Variants in TRH observed in about 807,000 individuals in gnomAD.
TRH encodes thyrotropin releasing hormone, also known as TSH-releasing factor.
In TRH, 5 loss-of-function variants were observed where a neutral mutation model predicts 5.2. The ratio of observed to expected loss-of-function variants is 0.95; its 90% CI spans 0.50 to 2.00. The LOEUF (loss-of-function observed/expected upper bound fraction) is 2.00, where lower values mean the gene tolerates loss of function less well. Among genes scored for constraint, TRH ranks in the 30% most tolerant of loss-of-function variants. TRH has a pLI of 0.01. For synonymous variants in TRH, 131 were observed against 128.6 expected (o/e 1.02, Z -0.13); for missense variants, 318 against 312.8 (o/e 1.02, Z -0.13).
At chr3:129,976,167 A>C in intron 2 of TRH, 140 bp downstream of exon 2, 1 of 1,039,222 alleles carries the variant, frequency 9.6e-7, no homozygotes, top group Non-Finnish European at 1.4e-6. Context: ...GGCTGCGCCT[A>C]GGCGGGATCT....
In TRH at chr3:129,977,151, G is replaced by A. The variant is rs1002969932; in HGVS notation, c.664G>A (p.Ala222Thr). ...GGATGACCTGAGTAGGAGCCAGGGA[G>A]CTGAGGAAAAGCGGCAGCACCCTGG... ...LLDDLSRSQG[A>T]EEKRQHPGRR... Residue 222 changes from alanine (A) to threonine (T), a missense_variant, in exon 3 of 3, where the codon GCT becomes ACT. Coordinates refer to ENST00000302649, the MANE Select transcript of TRH (RefSeq NM_007117.5). 5.9e-6 allele frequency: 9 copies of A among 1,525,736 alleles called. No individual in the cohort carries two copies. The highest frequency in any genetic ancestry group is 7.9e-6 in the Non-Finnish European group (9 of 1,139,416). The allele number at this position is 1,525,736 out of a possible 1,614,324, so 94.5% of individuals were successfully genotyped here.
Position 129,975,938 on chromosome 3 carries a change from G to T in TRH, c.122G>T (p.Gly41Val), listed in dbSNP as rs369866736. The change falls in exon 2 of 3, where the codon GGC (glycine) becomes GTC (valine). Residue 41 changes from glycine to valine, a missense_variant. By Grantham distance (109) the Gly-to-Val change is moderately radical. Coordinates refer to ENST00000302649, the MANE Select transcript of TRH (RefSeq NM_007117.5). Reference sequence around the variant, plus strand: ...GCAGTGACGGCCGCGGAGCATCCGGGCCTGGATGACTTCCTGCGCCAGGTG... The same window carrying T: ...GCAGTGACGGCCGCGGAGCATCCGGTCCTGGATGACTTCCTGCGCCAGGTG... ...QEAVTAAEHP[G>V]LDDFLRQVER... is the part of the protein sequence containing the mutation. 2.9e-5 allele frequency: 47 copies of T among 1,613,726 alleles called. No individual in the cohort carries two copies. Among genetic ancestry groups the T allele is most frequent in the Non-Finnish European group, 3.6e-5 (43 of 1,179,942 alleles).
Position 129,975,825 on chromosome 3 carries a change from C to T in TRH, c.9C>T (p.Gly3=). The part of the protein sequence containing the change: MP[G]PWLLLALALT... ...CTAACCCAGACGCCGCGATGCCCGGCCCTTGGTTGCTGCTCGCTCTGGCTT... is the reference window on the plus strand; with the variant it reads ...CTAACCCAGACGCCGCGATGCCCGGTCCTTGGTTGCTGCTCGCTCTGGCTT... Residue 3 remains glycine, a synonymous_variant, in exon 2 of 3, where the codon GGC becomes GGT. Transcript: ENST00000302649. The T allele has an allele frequency of 6.2e-7, 1 of 1,608,502 alleles. No homozygotes were observed. Among genetic ancestry groups the T allele is most frequent in the South Asian group, 1.1e-5 (1 of 90,402 alleles).
At position 129,977,360 on chromosome 3, in the gene TRH, T is replaced by G; in HGVS notation, c.*144T>G. The G allele has an allele frequency of 9.3e-7, 1 of 1,078,538 alleles. No individual in the cohort carries two copies. The highest frequency in any genetic ancestry group is 1.2e-6 in the Non-Finnish European group (1 of 818,956). The allele number at this position is 1,078,538 out of a possible 1,614,324, so 66.8% of individuals were successfully genotyped here. ...CCTCCCAGCCCCATATTCACACACA[T>G]CCCAGCCCCTGGCCTTGCCCTCTTC... is the stretch of plus-strand genomic sequence containing the variant. On this transcript the variant is annotated 3_prime_UTR_variant, in exon 3 of 3. Transcript: ENST00000302649.
intron 1 of TRH, 139 bp from the exon 2 acceptor site, chr3:129,975,670 C>A: frequency 2.1e-6 from 2 of 951,352 alleles, no homozygotes; most frequent in South Asian, 1.7e-5. Context: ...CTGCTCCCGC[C>A]CCTGCACGAG....
At chr3:129,975,746 G>A (rs2062538849) in intron 1 of TRH, 63 bp from the exon 2 acceptor site, 3 of 1,470,680 alleles carry the variant, frequency 2.0e-6, no homozygotes, top group Non-Finnish European at 2.7e-6. Flanking sequence ...CGGGCGTCGG[G>A]GGAGATGGAG....
chr3:129,976,576 C>T lies in TRH; in HGVS notation c.212-123C>T, dbSNP rs1560667077. ...TGAGGCCTGAGGGGCAGGTGCAAGA[C>T]CATGCCTCTGAGTGGGAGCTGCAGG... is the stretch of plus-strand genomic sequence containing the variant. On this transcript the variant is annotated intron_variant, in intron 2 of 2. Coordinates refer to ENST00000302649, the MANE Select transcript of TRH (RefSeq NM_007117.5). The T allele has an allele frequency of 3.6e-6, 4 of 1,119,100 alleles. No homozygotes were observed. In the Admixed American group the frequency reaches 8.9e-5, roughly 25 times the overall value. The allele number at this position is 1,119,100 out of a possible 1,614,324, so 69.3% of individuals were successfully genotyped here. A position where few individuals can be genotyped will look rare whatever the true frequency, so the allele number is the denominator to read the frequency against.
chr3:129,977,536 T>G lies in TRH; in HGVS notation c.*320T>G. The G allele has an allele frequency of 9.8e-6, 2 of 203,988 alleles. No individual in the cohort carries two copies. The highest frequency in any genetic ancestry group is 2.0e-5 in the Non-Finnish European group (2 of 101,640). 12.6% of individuals were successfully genotyped at this position (203,988 alleles called of 1,614,324 possible). On this transcript the variant is annotated 3_prime_UTR_variant, in exon 3 of 3. Coordinates refer to ENST00000302649, the MANE Select transcript of TRH (RefSeq NM_007117.5). ...AGCCTTGGCTAAGATGGTCCTTCTG[T>G]GTCTTGCAAAGACTCCCCAAGTGGG... is the stretch of plus-strand genomic sequence containing the variant.
chr3:129,975,425 G>A (rs937666107), intron 1 of TRH, among the ~76,000 whole-genome samples: 21 of 152,158 alleles, frequency 1.4e-4, no homozygotes, highest in African/African-American at 4.3e-4. Flanking sequence ...AACCGTTAGC[G>A]TCGCGGCTGT....
chr3:129,975,978 C>G lies in TRH; in HGVS notation c.162C>G (p.Phe54Leu). ...TGCGCCAGGTGGAGCGCCTCCTCTT[C>G]CTCCGGGAAAACATCCAGCGGCTGC... is the stretch of plus-strand genomic sequence containing the variant. ...DFLRQVERLL[F>L]LRENIQRLQG... The change falls in exon 2 of 3, where the codon TTC becomes TTG. Residue 54 changes from phenylalanine to leucine, a missense_variant. Coordinates refer to ENST00000302649, the MANE Select transcript of TRH (RefSeq NM_007117.5). 6.2e-7 allele frequency: 1 copy of G among 1,614,180 alleles called. No homozygotes were observed. The highest frequency in any genetic ancestry group is 1.1e-5 in the South Asian group (1 of 91,084).
chr3:129,977,330 C>T lies in TRH; in HGVS notation c.*114C>T. Reference sequence around the variant, plus strand: ...TAGATCCCTGACCATAAGCCTGAGCCCCTCCCTCCCAGCCCCATATTCACA... The same window carrying T: ...TAGATCCCTGACCATAAGCCTGAGCTCCTCCCTCCCAGCCCCATATTCACA... On this transcript the variant is annotated 3_prime_UTR_variant, in exon 3 of 3. Transcript: ENST00000302649. 7.6e-7 allele frequency: 1 copy of T among 1,317,556 alleles called. No homozygotes were observed. The highest frequency in any genetic ancestry group is 9.9e-7 in the Non-Finnish European group (1 of 1,014,332). The allele number at this position is 1,317,556 out of a possible 1,614,324, so 81.6% of individuals were successfully genotyped here.
chr3:129,976,159 C>G (rs2062542621), intron 2 of TRH, 132 bp downstream of exon 2: 2 of 1,117,122 alleles, frequency 1.8e-6, no homozygotes, highest in Non-Finnish European at 2.5e-6. Flanking sequence ...CCCTCCCTGG[C>G]TGCGCCTAGG....
rs750242360 is a variant in TRH, at chr3:129,977,060, G to C, written c.573G>C (p.Arg191Ser). The C allele has an allele frequency of 1.2e-6, 2 of 1,606,636 alleles. No individual in the cohort carries two copies. Among genetic ancestry groups the C allele is most frequent in the South Asian group, 2.2e-5 (2 of 90,730 alleles). ...AAAAACGCCAGCATCCGGGCAAGAG[G>C]GCCCTGGGAGGCCCCTGTGGGCCCC... ...MPEKRQHPGK[R>S]ALGGPCGPQG... The change falls in exon 3 of 3, where the codon AGG becomes AGC. Residue 191 changes from arginine (R) to serine (S), a missense_variant. Transcript: ENST00000302649.
Position 129,977,083 on chromosome 3 carries a change from C to T in TRH, c.596C>T (p.Pro199Leu). 6.3e-7 allele frequency: 1 copy of T among 1,594,154 alleles called. No individual in the cohort carries two copies. The highest frequency in any genetic ancestry group is 8.5e-7 in the Non-Finnish European group (1 of 1,170,310). Residue 199 changes from proline (P) to leucine (L), a missense_variant, in exon 3 of 3, where the codon CCC (proline) becomes CTC (leucine). Transcript: ENST00000302649. ...AGGGCCCTGGGAGGCCCCTGTGGGC[C>T]CCAGGGAGCCTATGGTCAAGCGGGC... ...GKRALGGPCGPQGAYGQAGLL... is the reference protein window; with the variant it reads ...GKRALGGPCGLQGAYGQAGLL...
intron 2 of TRH, among the ~76,000 whole-genome samples, chr3:129,976,316 T>C (rs2062543453): frequency 6.6e-6 from 1 of 152,262 alleles, no homozygotes; most frequent in African/African-American, 2.4e-5. Context: ...GAATTACTAC[T>C]GTCTAGGCAC....
chr3:129,975,775 G>A (rs766190610), intron 1 of TRH, 34 bp from the exon 2 acceptor site: 18 of 1,548,466 alleles, frequency 1.2e-5, no homozygotes, highest in Non-Finnish European at 1.5e-5. Context: ...GCTGTGATTC[G>A]GTGCGCTCAG....
At position 129,977,169 on chromosome 3, in the gene TRH, CA is replaced by C. The variant is rs1339952176; in HGVS notation, c.683del (p.His228ProfsTer21). The part of the protein sequence containing the change: ...RSQGAEEKRQ[H>X]PGRRAAWVRE... The stretch of plus-strand genomic sequence containing the variant: ...CCAGGGAGCTGAGGAAAAGCGGCAG[CA>C]CCCTGGTCGGCGGGCAGCCTGGGTC... On this transcript the variant is annotated frameshift_variant, in exon 3 of 3. Coordinates refer to ENST00000302649, the MANE Select transcript of TRH (RefSeq NM_007117.5). LOFTEE classifies it high-confidence loss of function. 9.9e-6 allele frequency: 15 copies of C among 1,521,556 alleles called. No homozygotes were observed. The highest frequency in any genetic ancestry group is 1.4e-5 in the African/African-American group (1 of 71,780). 94.3% of individuals were successfully genotyped at this position (1,521,556 alleles called of 1,614,324 possible). A position where few individuals can be genotyped will look rare whatever the true frequency, so the allele number is the denominator to read the frequency against.
At position 129,976,916 on chromosome 3, in the gene TRH, G is replaced by T; in HGVS notation, c.429G>T (p.Trp143Cys). The T allele has an allele frequency of 6.2e-7, 1 of 1,613,820 alleles. No homozygotes were observed. Among genetic ancestry groups the T allele is most frequent in the South Asian group, 1.1e-5 (1 of 91,054 alleles). The change falls in exon 3 of 3, where the codon TGG becomes TGT. Residue 143 changes from tryptophan to cysteine, a missense_variant. Transcript: ENST00000302649. ...KRQHPGRRSP[W>C]LAYAVPKRQH... ...AGCATCCTGGCCGGCGCTCCCCCTG[G>T]CTTGCATATGCTGTCCCGAAGCGGC... is the stretch of plus-strand genomic sequence containing the variant.
Position 129,976,965 on chromosome 3 carries a change from G to C in TRH, c.478G>C (p.Asp160His). 6.2e-7 allele frequency: 1 copy of C among 1,613,462 alleles called. No homozygotes were observed. The highest frequency in any genetic ancestry group is 8.5e-7 in the Non-Finnish European group (1 of 1,179,838). The change falls in exon 3 of 3, where the codon GAT becomes CAT. Residue 160 changes from aspartate to histidine, a missense_variant. Coordinates refer to ENST00000302649, the MANE Select transcript of TRH (RefSeq NM_007117.5). ...GCAGCACCCAGGCAGAAGGCTGGCA[G>C]ATCCCAAGGCTCAAAGGAGCTGGGA... ...KRQHPGRRLA[D>H]PKAQRSWEEE...
Sources: gnomAD v4.1 joint callset for allele counts (sites outside exome capture counted in the v4.1 genomes callset) on GRCh38, gnomAD v4.1.1 for gene constraint, MANE v1.5 for transcripts, NCBI Gene and HGNC (gene_info 2026-07-23, HGNC 2026-07-21) for gene names.